Variants in ANKH observed in about 807,000 individuals in gnomAD.
ANKH encodes the protein mineralization regulator ANKH.
ANKH carries 15 observed loss-of-function variants against 49.0 expected under a neutral mutation model. That is an observed-to-expected ratio of 0.31 (90% confidence interval 0.20 to 0.47). ANKH has a LOEUF of 0.47. Among genes scored for constraint, ANKH ranks in the 20% least tolerant of loss-of-function variants. ANKH has a pLI of 1.00. For synonymous variants in ANKH, 273 were observed against 260.0 expected (o/e 1.05, Z -0.48); for missense variants, 429 against 652.0 (o/e 0.66, Z 3.72).
chr5:14,810,371 A>G (rs762038829), intron 1 of ANKH, among the ~76,000 whole-genome samples: 3 of 151,908 alleles, frequency 2.0e-5, no homozygotes, highest in Non-Finnish European at 4.4e-5. Flanking sequence ...GTTGGGCAGG[A>G]TGGTCTCAAA....
chr5:14,741,977 C>A, intron 7 of ANKH, 55 bp from the exon 8 acceptor site: 1 of 1,342,032 alleles, frequency 7.5e-7, no homozygotes, highest in Non-Finnish European at 1.1e-6. Context: ...TGGCTGAACC[C>A]ACCGGGGGAT....
chr5:14,749,198 G>A lies in ANKH; in HGVS notation c.796C>T (p.Leu266Phe), dbSNP rs1561037070. The A allele has an allele frequency of 5.6e-6, 9 of 1,614,046 alleles. No individual in the cohort carries two copies. The highest frequency in any genetic ancestry group is 6.8e-6 in the Non-Finnish European group (8 of 1,179,940). Residue 266 changes from leucine (L) to phenylalanine (F), a missense_variant, in exon 6 of 12, where the codon CTT becomes TTT. Transcript: ENST00000284268. ...TCTGTGGCTGCAGAACTGCCACCAA[G>A]GTCCCGGGAAACAAAGAGGTTGACA... is the stretch of plus-strand genomic sequence containing the variant. Reference protein sequence around the residue: ...PIVNLFVSRDLGGSSAATEAV... With the variant: ...PIVNLFVSRDFGGSSAATEAV...
At chr5:14,716,863 G>A in intron 8 of ANKH, 28 bp from the exon 9 acceptor site, 1 of 1,612,536 alleles carries the variant, frequency 6.2e-7, no homozygotes, top group South Asian at 1.1e-5. Flanking sequence ...AAACAGGGTT[G>A]TGAGGAAAAA....
chr5:14,784,529 T>A (rs182569633), intron 1 of ANKH, among the ~76,000 whole-genome samples: 1 of 152,316 alleles, frequency 6.6e-6, no homozygotes, highest in African/African-American at 2.4e-5. Flanking sequence ...AAAATAATTA[T>A]CATTAAAAGA....
chr5:14,827,236 A>C (rs1741370797), intron 1 of ANKH, among the ~76,000 whole-genome samples: 1 of 152,240 alleles, frequency 6.6e-6, no homozygotes, highest in Non-Finnish European at 1.5e-5. Context: ...CACTGCTCTA[A>C]GTACTGCATA....
At chr5:14,744,597 AGAAACTGCTCG>A (rs36010128) in intron 7 of ANKH, among the ~76,000 whole-genome samples, 45,818 of 151,936 alleles carry the variant, frequency 0.3, 8,072 homozygotes, top group African/African-American at 0.5. Context: ...GCATTCACAG[AGAAACTGCTCG>A]GGAACTGCAG....
At position 14,745,825 on chromosome 5, in the gene ANKH, C is replaced by A; in HGVS notation, c.915+45G>T. On this transcript the variant is annotated intron_variant, in intron 7 of 11. Transcript: ENST00000284268. This position sits in a 1 kb window ranked among gnomAD's most constrained non-coding sequence, Gnocchi z 4.7. The stretch of plus-strand genomic sequence containing the variant: ...CAGAGAGCCCTGTCTATCAAGAAGT[C>A]ATTTCAAAAGCATGTTTCAGACACG... 2 of 1,562,972 alleles carry A rather than the reference C, an allele frequency of 1.3e-6. No individual in the cohort carries two copies. The highest frequency in any genetic ancestry group is 2.2e-5 in the South Asian group (2 of 89,902).
At position 14,871,557 on chromosome 5, in the gene ANKH, C is replaced by G; in HGVS notation, c.-110G>C. ...CGAGCGGGGCGCGGGCCGACAGAGG[C>G]CGCGGGCGGCGGGGCCTCGGGCGCG... On this transcript the variant is annotated 5_prime_UTR_variant, in exon 1 of 12. Coordinates refer to ENST00000284268, the MANE Select transcript of ANKH (RefSeq NM_054027.6). 1.6e-6 allele frequency: 1 copy of G among 619,210 alleles called. No homozygotes were observed. Among genetic ancestry groups the G allele is most frequent in the Non-Finnish European group, 2.2e-6 (1 of 460,386 alleles). 38.4% of individuals were successfully genotyped at this position (619,210 alleles called of 1,614,324 possible).
chr5:14,822,965 C>T (rs1235469074), intron 1 of ANKH, among the ~76,000 whole-genome samples: 7 of 151,398 alleles, frequency 4.6e-5, no homozygotes, highest in African/African-American at 7.3e-5. Context: ...ACCCGGAAGG[C>T]GGAGCTTGCA....
chr5:14,831,016 T>C, intron 1 of ANKH, among the ~76,000 whole-genome samples: 1 of 152,188 alleles, frequency 6.6e-6, no homozygotes, highest in East Asian at 1.9e-4. Flanking sequence ...TTCACTTTTT[T>C]AAGGGCAAAA....
intron 1 of ANKH, among the ~76,000 whole-genome samples, chr5:14,864,930 C>T (rs1735600402): frequency 6.6e-6 from 1 of 152,074 alleles, no homozygotes; most frequent in Non-Finnish European, 1.5e-5. Context: ...CACACACATA[C>T]CCCACATACA....
At chr5:14,790,716 T>C (rs1415277387) in intron 1 of ANKH, among the ~76,000 whole-genome samples, 1 of 152,244 alleles carries the variant, frequency 6.6e-6, no homozygotes, top group Non-Finnish European at 1.5e-5. Context: ...CGAGCGATTC[T>C]CTTGTCTCAG....
At chr5:14,817,666 G>A (rs1741078719) in intron 1 of ANKH, among the ~76,000 whole-genome samples, 1 of 152,146 alleles carries the variant, frequency 6.6e-6, no homozygotes, top group Non-Finnish European at 1.5e-5. Context: ...AAAAGGCTGT[G>A]AATTTCCCCA....
intron 11 of ANKH, among the ~76,000 whole-genome samples, chr5:14,712,042 C>T (rs967233536): frequency 2.6e-5 from 4 of 152,220 alleles, no homozygotes; most frequent in Non-Finnish European, 4.4e-5. Flanking sequence ...GCTTACATGA[C>T]ATGCTCAGTA....
chr5:14,846,811 G>A (rs1346527963), intron 1 of ANKH, among the ~76,000 whole-genome samples: 1 of 151,854 alleles, frequency 6.6e-6, no homozygotes, highest in Non-Finnish European at 1.5e-5. Flanking sequence ...GGCCAACATG[G>A]TAAAACTGCG....
chr5:14,830,022 G>C lies in ANKH; in HGVS notation c.96+41330C>G, dbSNP rs1238407995. 4.6e-5 allele frequency among the ~76,000 whole-genome samples: 7 copies of C among 152,156 alleles called. No homozygotes were observed. The East Asian group carries it at 7.7e-4, about 17-fold the overall frequency. On this transcript the variant is annotated intron_variant, in intron 1 of 11. Coordinates refer to ENST00000284268, the MANE Select transcript of ANKH (RefSeq NM_054027.6). The stretch of plus-strand genomic sequence containing the variant: ...CAAGAGGAAGAGTCACTTATCTTTT[G>C]TCTGTATGAGAGATGGAGGCATGAA...
chr5:14,716,972 C>G, intron 8 of ANKH, 137 bp from the exon 9 acceptor site: 2 of 1,042,590 alleles, frequency 1.9e-6, no homozygotes, highest in Non-Finnish European at 2.8e-6. Context: ...CATGCTGGTC[C>G]CAGATCTGCC....
At chr5:14,716,086 C>T (rs1344366538) in intron 9 of ANKH, among the ~76,000 whole-genome samples, 3 of 152,228 alleles carry the variant, frequency 2.0e-5, no homozygotes, top group Non-Finnish European at 2.9e-5. Flanking sequence ...AGTACATGAA[C>T]ACATTTGTGT....
intron 1 of ANKH, 32 bp downstream of exon 1, chr5:14,871,320 G>C (rs1463507696): frequency 6.3e-7 from 1 of 1,592,718 alleles, no homozygotes; most frequent in Admixed American, 1.7e-5. Flanking sequence ...AAGGCAGGGC[G>C]AGCGGGCGTG....
Sources: gnomAD v4.1 joint callset for allele counts (sites outside exome capture counted in the v4.1 genomes callset) on GRCh38, gnomAD v4.1.1 for gene constraint, Gnocchi (gnomAD v3.1) non-coding constraint, MANE v1.5 for transcripts, NCBI Gene and HGNC (gene_info 2026-07-23, HGNC 2026-07-21) for gene names.